The following FUBP3 variants were observed in gnomAD, a reference collection of about 807,000 sequenced individuals.
FUBP3 encodes far upstream element binding protein 3, also known as far upstream element-binding protein 3.
FUBP3 carries 28 observed loss-of-function variants against 85.6 expected under a neutral mutation model. The observed-to-expected ratio is 0.33, with a 90% CI of 0.24 to 0.45. The LOEUF (loss-of-function observed/expected upper bound fraction) is 0.45, where lower values mean the gene tolerates loss of function less well. FUBP3 is among the 20% of genes least tolerant of loss of function. The probability of loss-of-function intolerance (pLI) is 1.00; values close to 1 mark genes in which losing one functional copy is unlikely to be tolerated. For synonymous variants in FUBP3, 271 were observed against 271.4 expected (o/e 1.00, Z 0.01); for missense variants, 583 against 755.1 (o/e 0.77, Z 2.67).
chr9:130,610,503 C>G (rs1322423408), intron 3 of FUBP3, among the ~76,000 whole-genome samples: 1 of 152,198 alleles, frequency 6.6e-6, no homozygotes, highest in Non-Finnish European at 1.5e-5. Context: ...CCAGCTAATT[C>G]TCTGTTTCTG....
chr9:130,597,547 G>A (rs981518823), intron 2 of FUBP3, among the ~76,000 whole-genome samples: 11 of 152,278 alleles, frequency 7.2e-5, no homozygotes, highest in Admixed American at 2.6e-4. Flanking sequence ...CCTAGAAGGT[G>A]GCCAGGTAAA....
intron 1 of FUBP3, among the ~76,000 whole-genome samples, chr9:130,588,396 G>A (rs1830444839): frequency 6.6e-6 from 1 of 152,152 alleles, no homozygotes; most frequent in South Asian, 2.1e-4. Flanking sequence ...GGGGGCATGA[G>A]GCAGACTTCT....
At chr9:130,613,761 A>G (rs1831867089) in intron 5 of FUBP3, among the ~76,000 whole-genome samples, 1 of 152,220 alleles carries the variant, frequency 6.6e-6, no homozygotes. Flanking sequence ...CAGGAACAAA[A>G]TGAGGCATCA....
chr9:130,589,996 T>A (rs1830548454), intron 1 of FUBP3, among the ~76,000 whole-genome samples: 2 of 145,888 alleles, frequency 1.4e-5, no homozygotes, highest in Non-Finnish European at 3.0e-5. Context: ...ATTACAGATA[T>A]GAGCCACCAC....
In FUBP3 at chr9:130,626,901, A is replaced by T. The variant is rs369899301; in HGVS notation, c.1117+396A>T. Among the ~76,000 whole-genome samples, 96 of 152,312 alleles carry T rather than the reference A, an allele frequency of 6.3e-4. 2 individuals are homozygous for T. In the South Asian group the frequency reaches 0.018, roughly 29 times the overall value. On this transcript the variant is annotated intron_variant, in intron 12 of 18. Coordinates refer to ENST00000319725, the MANE Select transcript of FUBP3 (RefSeq NM_003934.2). ...TATCCTCAGTGAAAATTCCTTCTCG[A>T]CAGTGTGTCACTTGTTTCCCTTACC...
At chr9:130,636,519 CCGT>C (rs1830426948) in intron 18 of FUBP3, among the ~76,000 whole-genome samples, 1 of 152,236 alleles carries the variant, frequency 6.6e-6, no homozygotes, top group Non-Finnish European at 1.5e-5. Flanking sequence ...AGTGGCCAGG[CCGT>C]CAGCCATGCC....
chr9:130,636,147 A>C (rs753741192), intron 18 of FUBP3, 21 bp downstream of exon 18: 8 of 1,608,918 alleles, frequency 5.0e-6, no homozygotes, highest in Admixed American at 1.7e-5. Context: ...GATCACCAGC[A>C]CCGCTGCCAC....
In FUBP3 at chr9:130,616,336, G is replaced by A. The variant is rs371435193; in HGVS notation, c.405-19G>A. ...TCCATTTAATGCTGGTTCTCTTGTG[G>A]TTCTTTTCCCTCCCAAAGACAAGCC... On this transcript the variant is annotated intron_variant, in intron 6 of 18. Coordinates refer to ENST00000319725, the MANE Select transcript of FUBP3 (RefSeq NM_003934.2). The surrounding 1 kb of genome is among the most constrained non-coding windows in gnomAD (Gnocchi z 4.7). The A allele has an allele frequency of 9.3e-6, 15 of 1,613,406 alleles. No homozygotes were observed. Among genetic ancestry groups the A allele is most frequent in the Non-Finnish European group, 1.3e-5 (15 of 1,179,450 alleles).
intron 6 of FUBP3, among the ~76,000 whole-genome samples, chr9:130,615,172 A>G (rs1432011429): frequency 2.0e-5 from 3 of 152,216 alleles, no homozygotes. Flanking sequence ...GCAGGTGTGC[A>G]TTACAGGGCA....
At chr9:130,590,088 A>T (rs1379598982) in intron 1 of FUBP3, among the ~76,000 whole-genome samples, 1 of 129,432 alleles carries the variant, frequency 7.7e-6, no homozygotes, top group African/African-American at 3.0e-5. Context: ...CTGAGAACAC[A>T]TGCCCCTAAA....
At chr9:130,585,367 C>G (rs963455414) in intron 1 of FUBP3, among the ~76,000 whole-genome samples, 1 of 152,094 alleles carries the variant, frequency 6.6e-6, no homozygotes, top group Non-Finnish European at 1.5e-5. Context: ...TTTTACTTAT[C>G]TTTTTGTAAA....
chr9:130,615,144 C>T (rs1296700396), intron 6 of FUBP3, among the ~76,000 whole-genome samples: 1 of 152,166 alleles, frequency 6.6e-6, no homozygotes, highest in Non-Finnish European at 1.5e-5. Flanking sequence ...AAGCAGTGAA[C>T]CATAATAAAT....
Position 130,626,420 on chromosome 9 carries a change from C to T in FUBP3, c.1032C>T (p.Gly344=), listed in dbSNP as rs750923019. 218 of 1,613,848 alleles carry T rather than the reference C, an allele frequency of 1.4e-4. No individual in the cohort carries two copies. The highest frequency in any genetic ancestry group is 1.8e-4 in the Non-Finnish European group (210 of 1,179,950). ...AAARGRGRGR[G]DWSVGAPGGV... ...CCAGAGGAAGAGGTCGTGGCCGTGG[C>T]GACTGGAGCGTGGGAGCCCCTGGTG... Residue 344 remains glycine, a synonymous_variant, in exon 12 of 19, where the codon GGC becomes GGT. Coordinates refer to ENST00000319725, the MANE Select transcript of FUBP3 (RefSeq NM_003934.2).
intron 11 of FUBP3, 106 bp from the exon 12 acceptor site, chr9:130,626,257 TG>T: frequency 8.5e-7 from 1 of 1,170,636 alleles, no homozygotes. Context: ...TAGGTTCTGA[TG>T]GGTGGCATTG....
Position 130,595,423 on chromosome 9 carries a change from TTCTC to T in FUBP3, c.85-59_85-56del, listed in dbSNP as rs1242135880. 3.5e-6 allele frequency: 3 copies of T among 867,452 alleles called. No homozygotes were observed. In the African/African-American group the frequency reaches 4.9e-5, roughly 14 times the overall value. The allele number at this position is 867,452 out of a possible 1,614,324, so 53.7% of individuals were successfully genotyped here. On this transcript the variant is annotated intron_variant, in intron 1 of 18. Transcript: ENST00000319725. The stretch of plus-strand genomic sequence containing the variant: ...AGCCCTTTAAAGAGGACACTTGTCT[TTCTC>T]CCTCAGATAGAGCCATGGTTTGTTA...
intron 1 of FUBP3, 84 bp downstream of exon 1, chr9:130,579,848 C>G: frequency 1.3e-6 from 1 of 790,352 alleles, no homozygotes. Flanking sequence ...GCCTGGGGGG[C>G]GGGAGGCAGC....
At chr9:130,591,780 T>G (rs1830637359) in intron 1 of FUBP3, among the ~76,000 whole-genome samples, 1 of 152,180 alleles carries the variant, frequency 6.6e-6, no homozygotes, top group Admixed American at 6.5e-5. Context: ...CTCAGTCACA[T>G]TTTGGAAGAA....
At position 130,634,705 on chromosome 9, in the gene FUBP3, A is replaced by G. The variant is rs769446618; in HGVS notation, c.1549A>G (p.Ser517Gly). 2 of 1,614,032 alleles carry G rather than the reference A, an allele frequency of 1.2e-6. No individual in the cohort carries two copies. Among genetic ancestry groups the G allele is most frequent in the East Asian group, 2.2e-5 (1 of 44,872 alleles). Reference protein sequence around the residue: ...SQPQSSQPNYSKAWEDYYKKQ... With the variant: ...SQPQSSQPNYGKAWEDYYKKQ... ...GCCGCAGAGCAGCCAGCCCAACTACAGCAAGGCCTGGGAAGACTATTACAA... is the reference window on the plus strand; with the variant it reads ...GCCGCAGAGCAGCCAGCCCAACTACGGCAAGGCCTGGGAAGACTATTACAA... Residue 517 changes from serine to glycine, a missense_variant, in exon 17 of 19, where the codon AGC becomes GGC. Physicochemically the swap from Ser to Gly is moderately conservative, Grantham distance 56. Around this residue, in one of 3 missense-constraint regions of FUBP3, gnomAD observed 404 missense variants for 516.8 expected, o/e 0.78. Transcript: ENST00000319725.
rs754004187 is a variant in FUBP3, at chr9:130,631,643, C to CATCA, written c.1352+14_1352+17dup. ...CACCTCATCAAAAGTGAGTCTTTTG[C>CATCA]ATCAGTCTTGCCTGGGAGAATTCAC... On this transcript the variant is annotated intron_variant, in intron 14 of 18. Transcript: ENST00000319725. 1 of 1,594,664 alleles carries CATCA rather than the reference C, an allele frequency of 6.3e-7. No homozygotes were observed. The highest frequency in any genetic ancestry group is 1.1e-5 in the South Asian group (1 of 90,616).
Sources: allele counts gnomAD v4.1 joint callset (sites outside exome capture counted in the v4.1 genomes callset), GRCh38; gene constraint gnomAD v4.1.1; regional missense constraint gnomAD v4.1.1; non-coding constraint Gnocchi (gnomAD v3.1); transcripts MANE v1.5; gene names NCBI Gene and HGNC (gene_info 2026-07-23, HGNC 2026-07-21).